The following TRAPPC8 variants were observed in gnomAD, a reference collection of about 807,000 sequenced individuals.
TRAPPC8 encodes general sporulation gene 1 homolog.
TRAPPC8 carries 54 observed loss-of-function variants against 174.3 expected under a neutral mutation model. The observed-to-expected ratio is 0.31, with a 90% CI of 0.25 to 0.39. The LOEUF (loss-of-function observed/expected upper bound fraction) is 0.39, where lower values mean the gene tolerates loss of function less well. Ranked by LOEUF, TRAPPC8 falls within the 10% of genes least tolerant of loss-of-function variation. TRAPPC8 has a pLI of 1.00. For synonymous variants in TRAPPC8, 630 were observed against 579.9 expected (o/e 1.09, Z -1.24); for missense variants, 1,531 against 1,699.1 (o/e 0.90, Z 1.74).
chr18:31,913,254 G>T lies in TRAPPC8; in HGVS notation c.771+115C>A, dbSNP rs1481828755. 1.0e-5 allele frequency: 12 copies of T among 1,194,026 alleles called. No homozygotes were observed. The South Asian group carries it at 2.0e-4, about 20-fold the overall frequency. 74.0% of individuals were successfully genotyped at this position (1,194,026 alleles called of 1,614,324 possible). On this transcript the variant is annotated intron_variant, in intron 5 of 28. Coordinates refer to ENST00000283351, the MANE Select transcript of TRAPPC8 (RefSeq NM_014939.5). The stretch of plus-strand genomic sequence containing the variant: ...CTGACCTAAGAGCTCACCTCTGACA[G>T]ATCAAAACTGACCAGATTCCACACA...
At chr18:31,888,696 T>G (rs1329049409) in intron 12 of TRAPPC8, among the ~76,000 whole-genome samples, 1 of 152,192 alleles carries the variant, frequency 6.6e-6, no homozygotes, top group African/African-American at 2.4e-5. Flanking sequence ...ATGTTCTCAC[T>G]TGTAAGTGGG....
rs749109528 is a variant in TRAPPC8, at chr18:31,873,449, A to G, written c.2043T>C (p.His681=). The G allele has an allele frequency of 6.2e-7, 1 of 1,612,454 alleles. No homozygotes were observed. Among genetic ancestry groups the G allele is most frequent in the Non-Finnish European group, 8.5e-7 (1 of 1,178,716 alleles). The change falls in exon 14 of 29, where the codon CAT becomes CAC. Residue 681 remains histidine (H), a synonymous_variant. Transcript: ENST00000283351. The part of the protein sequence containing the change: ...NSSATRVFFG[H]DRRPADGEKQ... ...ACTAACCATCCGCTGGTCGTCTGTCATGGCCAAAAAAAACCCGTGTTGCTG... is the reference window on the plus strand; with the variant it reads ...ACTAACCATCCGCTGGTCGTCTGTCGTGGCCAAAAAAAACCCGTGTTGCTG...
intron 19 of TRAPPC8, among the ~76,000 whole-genome samples, chr18:31,858,319 A>G (rs1457734016): frequency 3.3e-5 from 5 of 152,224 alleles, no homozygotes; most frequent in South Asian, 4.1e-4. Flanking sequence ...TATGAAGTAA[A>G]TATCAGTTTT....
intron 16 of TRAPPC8, among the ~76,000 whole-genome samples, chr18:31,867,901 A>T (rs769124876): frequency 2.0e-5 from 3 of 152,116 alleles, no homozygotes; most frequent in Non-Finnish European, 4.4e-5. Flanking sequence ...TATCAAAGAT[A>T]CCGCCACCAA....
intron 6 of TRAPPC8, 84 bp downstream of exon 6, chr18:31,909,583 T>A: frequency 6.7e-7 from 1 of 1,492,532 alleles, no homozygotes; most frequent in South Asian, 1.4e-5. Flanking sequence ...ATTTCCCCCA[T>A]CTTTTATCTA....
At chr18:31,921,551 G>A (rs1049876147) in intron 2 of TRAPPC8, among the ~76,000 whole-genome samples, 3 of 151,832 alleles carry the variant, frequency 2.0e-5, no homozygotes, top group Non-Finnish European at 4.4e-5. Flanking sequence ...GGGAGGTGGA[G>A]GTTGCAGTGA....
rs571577574 is a variant in TRAPPC8, at chr18:31,899,873, G to A, written c.1490+1052C>T. ...AGACAGGAGAATCACTTGAACCTAG[G>A]AGGTGGAGGTAGCAATGAGCTGAGA... On this transcript the variant is annotated intron_variant, in intron 10 of 28. Transcript: ENST00000283351. Among the ~76,000 whole-genome samples the A allele has an allele frequency of 6.6e-5, 10 of 152,168 alleles. No homozygotes were observed. The South Asian group carries it at 1.7e-3, about 25-fold the overall frequency.
At position 31,942,747 on chromosome 18, in the gene TRAPPC8, T is replaced by A. The variant is rs775065074; in HGVS notation, c.18A>T (p.Gln6His). The change falls in exon 1 of 29, where the codon CAA (glutamine) becomes CAT (histidine). Residue 6 changes from glutamine (Q) to histidine (H), a missense_variant. Gln to His is a conservative substitution (Grantham distance 24, BLOSUM62 0). Coordinates refer to ENST00000283351, the MANE Select transcript of TRAPPC8 (RefSeq NM_014939.5). MAQCV[Q>H]SVQELIPDSF... is the part of the protein sequence containing the mutation. ...AGTCCGGGATTAGCTCCTGCACTGA[T>A]TGTACACACTGGGCCATCGCCGCAG... The A allele has an allele frequency of 1.1e-5, 17 of 1,552,046 alleles. No homozygotes were observed. The Admixed American group carries it at 3.3e-4, about 30-fold the overall frequency.
intron 12 of TRAPPC8, among the ~76,000 whole-genome samples, chr18:31,879,152 A>C (rs979148947): frequency 6.6e-6 from 1 of 152,184 alleles, no homozygotes; most frequent in African/African-American, 2.4e-5. Flanking sequence ...AGAAGATTCC[A>C]ACTGACAACT....
chr18:31,934,592 G>C (rs1025793414), intron 1 of TRAPPC8, among the ~76,000 whole-genome samples: 1 of 152,110 alleles, frequency 6.6e-6, no homozygotes, highest in African/African-American at 2.4e-5. Context: ...TCATAGCTGG[G>C]CGCAGTGGCT....
Position 31,916,362 on chromosome 18 carries a change from T to A in TRAPPC8, c.527A>T (p.Asn176Ile), listed in dbSNP as rs768287006. 6.2e-7 allele frequency: 1 copy of A among 1,613,876 alleles called. No homozygotes were observed. The highest frequency in any genetic ancestry group is 8.5e-7 in the Non-Finnish European group (1 of 1,179,956). The part of the protein sequence containing the change: ...LSQEQHRIQH[N>I]SDYSYPKWFI... ...CCACTTGGGGTAGGAATAATCACTG[T>A]TGTGCTGAATTCGATGCTGTTCTTG... The change falls in exon 4 of 29, where the codon AAC (asparagine) becomes ATC (isoleucine). Residue 176 changes from asparagine to isoleucine, a missense_variant. Coordinates refer to ENST00000283351, the MANE Select transcript of TRAPPC8 (RefSeq NM_014939.5).
At chr18:31,880,283 C>T (rs2035384572) in intron 12 of TRAPPC8, among the ~76,000 whole-genome samples, 1 of 151,088 alleles carries the variant, frequency 6.6e-6, no homozygotes, top group Admixed American at 6.6e-5. Flanking sequence ...TCCAGCTGGA[C>T]ATCAAAAAGT....
chr18:31,912,991 G>C lies in TRAPPC8; in HGVS notation c.771+378C>G, dbSNP rs368640154. Among the ~76,000 whole-genome samples, 20 of 152,210 alleles carry C rather than the reference G, an allele frequency of 1.3e-4. No individual in the cohort carries two copies. In the East Asian group the frequency reaches 3.5e-3, roughly 27 times the overall value. ...AAAAATACAAAAATTTGCCTGGCAT[G>C]GTGGCATGTGCCTGTAATCCCATGT... On this transcript the variant is annotated intron_variant, in intron 5 of 28. Coordinates refer to ENST00000283351, the MANE Select transcript of TRAPPC8 (RefSeq NM_014939.5).
intron 27 of TRAPPC8, among the ~76,000 whole-genome samples, chr18:31,834,725 G>T (rs1177778648): frequency 1.3e-5 from 2 of 152,158 alleles, no homozygotes; most frequent in East Asian, 3.9e-4. Context: ...TTATGCTCAT[G>T]GCAGCTAAAC....
chr18:31,900,808 T>A, intron 10 of TRAPPC8, 117 bp downstream of exon 10: 1 of 740,628 alleles, frequency 1.4e-6, no homozygotes, highest in South Asian at 2.0e-5. Flanking sequence ...AAAAATCACC[T>A]CAACTTGTCT....
intron 14 of TRAPPC8, among the ~76,000 whole-genome samples, chr18:31,873,057 G>A (rs1234685118): frequency 1.3e-4 from 14 of 110,370 alleles, no homozygotes; most frequent in Admixed American, 5.5e-4. Flanking sequence ...TCACTCTGTC[G>A]CCCAGGCTGG....
chr18:31,904,541 AAAC>A (rs1232739694), intron 9 of TRAPPC8, among the ~76,000 whole-genome samples: 1 of 152,202 alleles, frequency 6.6e-6, no homozygotes, highest in African/African-American at 2.4e-5. Flanking sequence ...ATAGAAGAAA[AAAC>A]AAATAATGAT....
intron 1 of TRAPPC8, among the ~76,000 whole-genome samples, chr18:31,933,356 G>C (rs1304888070): frequency 6.6e-6 from 1 of 151,390 alleles, no homozygotes; most frequent in South Asian, 2.1e-4. Flanking sequence ...CCAGCTTTTG[G>C]AGTTGGACCT....
At chr18:31,915,533 G>A (rs977173813) in intron 4 of TRAPPC8, among the ~76,000 whole-genome samples, 37 of 151,500 alleles carry the variant, frequency 2.4e-4, no homozygotes, top group East Asian at 9.8e-4. Flanking sequence ...AGGCCGAGGC[G>A]GGCAGATTAC....
Sources: gnomAD v4.1 joint callset for allele counts (sites outside exome capture counted in the v4.1 genomes callset) on GRCh38, gnomAD v4.1.1 for gene constraint, MANE v1.5 for transcripts, NCBI Gene and HGNC (gene_info 2026-07-23, HGNC 2026-07-21) for gene names.